The following GAB4 variants were observed in gnomAD, a reference collection of about 807,000 sequenced individuals.
GAB4 encodes GRB2 associated binding protein family member 4, also known as GRB2-associated-binding protein 4.
In GAB4, 26 loss-of-function variants were observed where a neutral mutation model predicts 51.3. The ratio of observed to expected loss-of-function variants is 0.51; its 90% confidence interval spans 0.37 to 0.70. The LOEUF (loss-of-function observed/expected upper bound fraction) is 0.70, where lower values mean the gene tolerates loss of function less well. Ranked by LOEUF, GAB4 falls within the 30% of genes least tolerant of loss-of-function variation. The pLI is 0.00. For missense variants in GAB4, 759 were observed against 734.6 expected (o/e 1.03, Z -0.38); for synonymous variants, 329 against 291.2 (o/e 1.13, Z -1.32).
rs772258980 is a variant in GAB4 at position 16,966,125 on chromosome 22, G to T, written c.1263C>A (p.Asn421Lys). 6.2e-7 allele frequency: 1 copy of T among 1,614,074 alleles called. No homozygotes were observed. Among genetic ancestry groups the T allele is most frequent in the Non-Finnish European group, 8.5e-7 (1 of 1,180,010 alleles). The change falls in exon 6 of 10, where the codon AAC (asparagine) becomes AAA (lysine). Residue 421 changes from asparagine (N) to lysine (K), a missense_variant. This residue lies in a region of GAB4 where 588 missense variants were observed against 510.2 expected (regional missense o/e 1.15). Transcript: ENST00000400588. ...CCTTCTGGTTAGGCTTGAGGCTGCG[G>T]TTGACAGGGGGCAGCTGGACCTCAT... is the stretch of plus-strand genomic sequence containing the variant. ...QGHEVQLPPVNRSLKPNQKAN... is the reference protein window; with the variant it reads ...QGHEVQLPPVKRSLKPNQKAN...
At position 16,962,736 on chromosome 22, in the gene GAB4, C is replaced by T; in HGVS notation, c.1722G>A (p.Leu574=). The stretch of plus-strand genomic sequence containing the variant: ...ACTCTGGTTTTGGTGGCCCGAGTCA[C>T]AGCTTGGCGCCCCTGGGAGGCTCTG... ...QSSEPPRGAK[L] Residue 574 remains leucine, a synonymous_variant, in exon 10 of 10, where the codon CTG becomes CTA. Transcript: ENST00000400588. 3 of 1,610,346 alleles carry T rather than the reference C, an allele frequency of 1.9e-6. No homozygotes were observed. Among genetic ancestry groups the T allele is most frequent in the Non-Finnish European group, 2.5e-6 (3 of 1,179,164 alleles).
chr22:16,980,012 A>T (rs2060813647), intron 3 of GAB4, among the ~76,000 whole-genome samples: 1 of 152,230 alleles, frequency 6.6e-6, no homozygotes, highest in Admixed American at 6.5e-5. Context: ...AATTAACTCA[A>T]GATGGATTAC....
intron 8 of GAB4, 30 bp from the exon 9 acceptor site, chr22:16,963,859 A>G: frequency 6.4e-7 from 1 of 1,565,208 alleles, no homozygotes; most frequent in South Asian, 1.1e-5. Flanking sequence ...AATCCTGCAA[A>G]TGAGTTCAGG....
chr22:16,993,461 C>T (rs573770185), intron 1 of GAB4, among the ~76,000 whole-genome samples: 133 of 152,298 alleles, frequency 8.7e-4, no homozygotes, highest in South Asian at 1.7e-3. Context: ...GGACTCCTAC[C>T]ACCTTTTCCC....
chr22:16,980,175 T>C (rs2060815418), intron 3 of GAB4, among the ~76,000 whole-genome samples: 3 of 152,222 alleles, frequency 2.0e-5, no homozygotes, highest in Middle Eastern at 3.4e-3. Flanking sequence ...CTAATTAAGC[T>C]AAACAGCTTC....
intron 1 of GAB4, among the ~76,000 whole-genome samples, chr22:16,997,954 G>A (rs974886758): frequency 2.6e-5 from 4 of 152,174 alleles, no homozygotes; most frequent in African/African-American, 4.8e-5. Context: ...TCAGATGGTT[G>A]TAAATGTGTG....
chr22:16,998,114 G>A (rs1380965512), intron 1 of GAB4, among the ~76,000 whole-genome samples: 4 of 152,216 alleles, frequency 2.6e-5, no homozygotes, highest in Admixed American at 1.3e-4. Context: ...GCTTAGGATT[G>A]TCTTAGCAAT....
At position 16,966,290 on chromosome 22, in the gene GAB4, G is replaced by A. The variant is rs2060673698; in HGVS notation, c.1098C>T (p.Ser366=). Residue 366 remains serine (S), a synonymous_variant, in exon 6 of 10, where the codon TCC becomes TCT. Transcript: ENST00000400588. ...CTTGCTTCACAGCCGGCAGGGTAGG[G>A]GAGCCTGGGTTCATGGGCACACAGC... ...EGSCVPMNPG[S]PTLPAVKQAG... The A allele has an allele frequency of 6.2e-7, 1 of 1,613,898 alleles. No homozygotes were observed. Among genetic ancestry groups the A allele is most frequent in the African/African-American group, 1.3e-5 (1 of 75,048 alleles).
At chr22:16,964,721 CA>C in intron 8 of GAB4, 44 bp downstream of exon 8, 1 of 1,388,396 alleles carries the variant, frequency 7.2e-7, no homozygotes, top group Non-Finnish European at 1.0e-6. Flanking sequence ...GTGTGGGTCC[CA>C]GGGGACTCTG....
chr22:17,004,104 C>A (rs1244849990), intron 1 of GAB4, among the ~76,000 whole-genome samples: 1 of 152,022 alleles, frequency 6.6e-6, no homozygotes. Context: ...ACACATACAC[C>A]CTCCCAAGAC....
At chr22:16,997,141 T>C (rs1455621222) in intron 1 of GAB4, among the ~76,000 whole-genome samples, 1 of 152,174 alleles carries the variant, frequency 6.6e-6, no homozygotes, top group Non-Finnish European at 1.5e-5. Flanking sequence ...TGATTTATAA[T>C]CCTTTGGGTA....
chr22:16,969,624 C>T (rs61738703), intron 4 of GAB4: 5 of 625,364 alleles, frequency 8.0e-6, no homozygotes, highest in Non-Finnish European at 1.4e-5. Flanking sequence ...TTGGTGACAT[C>T]GGCTGTTGTC....
intron 2 of GAB4, 122 bp downstream of exon 2, chr22:16,991,751 T>G (rs925769332): frequency 1.2e-6 from 1 of 827,768 alleles, no homozygotes; most frequent in African/African-American, 1.7e-5. Flanking sequence ...AAAAATGCCT[T>G]TAGCTTCATC....
rs1569087809 is a variant in GAB4, at chr22:16,964,837, G to T, written c.1405C>A (p.Gln469Lys). 2 of 1,613,982 alleles carry T rather than the reference G, an allele frequency of 1.2e-6. No individual in the cohort carries two copies. The highest frequency in any genetic ancestry group is 1.7e-5 in the Admixed American group (1 of 60,020). The change falls in exon 8 of 10, where the codon CAA becomes AAA. Residue 469 changes from glutamine (Q) to lysine (K), a missense_variant. Physicochemically the swap from Gln to Lys is moderately conservative, Grantham distance 53 (BLOSUM62 1). Around this residue, in one of 3 missense-constraint regions of GAB4, gnomAD observed 588 missense variants for 510.2 expected, o/e 1.15. Transcript: ENST00000400588. ...ATGCTCTGCGTGGAGATGGGGTGTT[G>T]GGAGGAGCTGGAGTCAAAGGTGTGG... Reference protein sequence around the residue: ...TSHTFDSSSSQHPISTQSITN... With the variant: ...TSHTFDSSSSKHPISTQSITN...
chr22:16,981,243 G>GA (rs542424890), intron 3 of GAB4, among the ~76,000 whole-genome samples: 138 of 150,632 alleles, frequency 9.2e-4, no homozygotes, highest in South Asian at 1.7e-3. Flanking sequence ...TCAAAAGTAA[G>GA]AAAAAACCAA....
At chr22:16,963,424 G>A (rs1301984773) in intron 9 of GAB4, among the ~76,000 whole-genome samples, 1 of 152,184 alleles carries the variant, frequency 6.6e-6, no homozygotes, top group Non-Finnish European at 1.5e-5. Flanking sequence ...AGTTTGGCCT[G>A]GAGCCAGGTT....
intron 3 of GAB4, among the ~76,000 whole-genome samples, chr22:16,979,416 C>T (rs2060808776): frequency 6.6e-6 from 1 of 152,148 alleles, no homozygotes; most frequent in Non-Finnish European, 1.5e-5. Context: ...CTCCCAATCA[C>T]AATTGCTTCA....
intron 3 of GAB4, among the ~76,000 whole-genome samples, chr22:16,980,719 G>A (rs1033116518): frequency 5.3e-5 from 8 of 152,144 alleles, no homozygotes; most frequent in African/African-American, 1.9e-4. Flanking sequence ...TATGTTTATT[G>A]CAGCACTATT....
In GAB4 at chr22:17,008,072, G is replaced by A; in HGVS notation, c.43C>T (p.Pro15Ser). ...GACAAAGGCGCAAATGCCGGGTCAG[G>A]TGGGCACAGCTCCCGGGAGGGTGAG... The part of the protein sequence containing the change: ...SPSPSRELCP[P>S]DPAFAPLSSW... The change falls in exon 1 of 10, where the codon CCT becomes TCT. Residue 15 changes from proline (P) to serine (S), a missense_variant. By Grantham distance (74) the Pro-to-Ser change is moderately conservative. This residue lies in a region of GAB4 where 83 missense variants were observed against 73.1 expected (regional missense o/e 1.14). Transcript: ENST00000400588. 6.2e-7 allele frequency: 1 copy of A among 1,608,314 alleles called. No individual in the cohort carries two copies. Among genetic ancestry groups the A allele is most frequent in the Non-Finnish European group, 8.5e-7 (1 of 1,177,528 alleles).
Sources: gnomAD v4.1 joint callset for allele counts (sites outside exome capture counted in the v4.1 genomes callset) on GRCh38, gnomAD v4.1.1 for gene constraint, gnomAD v4.1.1 regional missense constraint, MANE v1.5 for transcripts, NCBI Gene and HGNC (gene_info 2026-07-23, HGNC 2026-07-21) for gene names.